TCF4: variants seen among roughly 807,000 people sequenced by gnomAD.
TCF4 encodes the protein SL3-3 enhancer factor 2.
TCF4 carries 3 observed loss-of-function variants against 82.1 expected under a neutral mutation model. The ratio of observed to expected loss-of-function variants is 0.04; its 90% CI spans 0.02 to 0.09. The LOEUF (loss-of-function observed/expected upper bound fraction) is 0.09, where lower values mean the gene tolerates loss of function less well. Among genes scored for constraint, TCF4 ranks in the 10% least tolerant of loss-of-function variants. The pLI, the probability that TCF4 is intolerant of heterozygous loss-of-function variation, is 1.00. For synonymous variants in TCF4, 276 were observed against 309.6 expected (o/e 0.89, Z 1.14); for missense variants, 518 against 852.7 (o/e 0.61, Z 4.89).
rs968198285 is a variant in TCF4 at position 55,226,833 on chromosome 18, C to A, written c.*1202G>T. ...AAAAATCTGACCATGTATTCAGAAACGCCTCACTGCACACTACTTCGGCTA... is the reference window on the plus strand; with the variant it reads ...AAAAATCTGACCATGTATTCAGAAAAGCCTCACTGCACACTACTTCGGCTA... On this transcript the variant is annotated 3_prime_UTR_variant, in exon 20 of 20. Coordinates refer to ENST00000354452, the MANE Select transcript of TCF4 (RefSeq NM_001083962.2). The A allele has an allele frequency of 6.6e-6, 1 of 152,360 alleles. No individual in the cohort carries two copies. The allele number at this position is 152,360 out of a possible 1,614,324, so 9.4% of individuals were successfully genotyped here.
chr18:55,565,322 C>A (rs2147401796), intron 3 of TCF4, among the ~76,000 whole-genome samples: 1 of 151,664 alleles, frequency 6.6e-6, no homozygotes, highest in Non-Finnish European at 1.5e-5. Flanking sequence ...AAAAAAAATT[C>A]TCCAAAAGTA....
intron 15 of TCF4, among the ~76,000 whole-genome samples, chr18:55,242,907 C>T (rs2051776108): frequency 6.6e-6 from 1 of 152,042 alleles, no homozygotes; most frequent in Admixed American, 6.6e-5. Flanking sequence ...CGCGCCTAGC[C>T]CAGGCACTGA....
At chr18:55,539,652 G>A (rs927250960) in intron 3 of TCF4, among the ~76,000 whole-genome samples, 2 of 152,076 alleles carry the variant, frequency 1.3e-5, no homozygotes, top group Non-Finnish European at 2.9e-5. Context: ...ACACACAAAG[G>A]AGGATTAGTG....
At chr18:55,525,299 T>A (rs946010317) in intron 3 of TCF4, among the ~76,000 whole-genome samples, 1 of 152,016 alleles carries the variant, frequency 6.6e-6, no homozygotes, top group Non-Finnish European at 1.5e-5. Context: ...TTTGATTGAT[T>A]TTTTTTTCCT....
At chr18:55,606,823 T>C (rs974578628) in intron 2 of TCF4, among the ~76,000 whole-genome samples, 1 of 152,220 alleles carries the variant, frequency 6.6e-6, no homozygotes, top group Non-Finnish European at 1.5e-5. Context: ...ATGATTATAT[T>C]AAATTAATTC....
At chr18:55,573,087 T>C (rs1568432354) in intron 3 of TCF4, among the ~76,000 whole-genome samples, 1 of 151,526 alleles carries the variant, frequency 6.6e-6, no homozygotes, top group Non-Finnish European at 1.5e-5. Flanking sequence ...CTGAAGACCA[T>C]TCAATAAGAC....
chr18:55,555,274 G>A (rs1187063426), intron 3 of TCF4, among the ~76,000 whole-genome samples: 2 of 152,026 alleles, frequency 1.3e-5, no homozygotes, highest in African/African-American at 2.4e-5. Flanking sequence ...CAAACAATGC[G>A]AATACTAAAA....
intron 5 of TCF4, among the ~76,000 whole-genome samples, chr18:55,418,381 A>G (rs2094596825): frequency 6.6e-6 from 1 of 152,110 alleles, no homozygotes; most frequent in African/African-American, 2.4e-5. Context: ...TTTGTTAATA[A>G]TCTAATGTAA....
intron 3 of TCF4, among the ~76,000 whole-genome samples, chr18:55,473,992 C>G (rs944270028): frequency 1.3e-5 from 2 of 152,158 alleles, no homozygotes; most frequent in African/African-American, 4.8e-5. Context: ...CAGCAGAACA[C>G]GCAGTTCCTA....
At chr18:55,403,042 A>G (rs1023849097) in intron 6 of TCF4, among the ~76,000 whole-genome samples, 5 of 152,272 alleles carry the variant, frequency 3.3e-5, no homozygotes, top group South Asian at 2.1e-4. Context: ...TACAGCCCCT[A>G]TGAAAACTAT....
chr18:55,272,261 G>A (rs1293923734), intron 10 of TCF4, among the ~76,000 whole-genome samples: 1 of 152,012 alleles, frequency 6.6e-6, no homozygotes, highest in East Asian at 1.9e-4. Context: ...ATAAACTAAC[G>A]AGATTTATAA....
At chr18:55,598,272 C>G (rs1474760874) in intron 2 of TCF4, among the ~76,000 whole-genome samples, 1 of 152,094 alleles carries the variant, frequency 6.6e-6, no homozygotes, top group Non-Finnish European at 1.5e-5. Context: ...TTAACTCTGG[C>G]AAAGATGAGA....
intron 6 of TCF4, among the ~76,000 whole-genome samples, chr18:55,391,233 A>G (rs1049638581): frequency 6.6e-6 from 1 of 152,218 alleles, no homozygotes; most frequent in African/African-American, 2.4e-5. Flanking sequence ...TAGATAATAT[A>G]TATTTCCACA....
At chr18:55,377,805 T>C (rs775750623) in intron 6 of TCF4, among the ~76,000 whole-genome samples, 10 of 152,246 alleles carry the variant, frequency 6.6e-5, no homozygotes, top group Non-Finnish European at 1.2e-4. Context: ...GGCAATTCTA[T>C]ACTGTGTTGA....
intron 2 of TCF4, among the ~76,000 whole-genome samples, chr18:55,609,657 C>CTGAA (rs2097705330): frequency 6.6e-6 from 1 of 152,160 alleles, no homozygotes; most frequent in Admixed American, 6.5e-5. Context: ...TGTCATAACC[C>CTGAA]TGAAGACACA....
chr18:55,353,614 G>A (rs2082777394), intron 6 of TCF4, among the ~76,000 whole-genome samples: 1 of 152,142 alleles, frequency 6.6e-6, no homozygotes, highest in South Asian at 2.1e-4. Flanking sequence ...TGTTCTTATT[G>A]TAGAGTATAC....
rs1002989362 is a variant in TCF4, at chr18:55,224,472, T to G, written c.*3563A>C. 4.6e-5 allele frequency: 7 copies of G among 152,622 alleles called. No individual in the cohort carries two copies. Among genetic ancestry groups the G allele is most frequent in the African/African-American group, 1.7e-4 (7 of 41,442 alleles). The allele number at this position is 152,622 out of a possible 1,614,324, so 9.5% of individuals were successfully genotyped here. A position where few individuals can be genotyped will look rare whatever the true frequency, so the allele number is the denominator to read the frequency against. The stretch of plus-strand genomic sequence containing the variant: ...CCAGTCAGCCAGCAGACTAAATTTT[T>G]GTGCTTGTTTATGCTGAAATTGATT... On this transcript the variant is annotated 3_prime_UTR_variant, in exon 20 of 20. Transcript: ENST00000354452.
chr18:55,410,480 C>T (rs556960491), intron 5 of TCF4, among the ~76,000 whole-genome samples: 32 of 152,078 alleles, frequency 2.1e-4, no homozygotes, highest in African/African-American at 6.3e-4. Context: ...TGCACTATCT[C>T]GCATGCAAAT....
chr18:55,310,656 G>C (rs1235742634), intron 8 of TCF4, among the ~76,000 whole-genome samples: 1 of 152,150 alleles, frequency 6.6e-6, no homozygotes, highest in African/African-American at 2.4e-5. Flanking sequence ...TGCATTATTG[G>C]GAAAGCTGGA....
Sources: allele counts gnomAD v4.1 joint callset (sites outside exome capture counted in the v4.1 genomes callset), GRCh38; gene constraint gnomAD v4.1.1; transcripts MANE v1.5; gene names NCBI Gene and HGNC (gene_info 2026-07-23, HGNC 2026-07-21).